Variants in SSBP2 observed in about 807,000 individuals in gnomAD.
SSBP2 encodes single stranded DNA binding protein 2, also known as single-stranded DNA-binding protein 2.
SSBP2 carries 17 observed loss-of-function variants against 61.8 expected under a neutral mutation model. The ratio of observed to expected loss-of-function variants is 0.28; its 90% CI spans 0.19 to 0.41. The LOEUF (loss-of-function observed/expected upper bound fraction) is 0.41, where lower values mean the gene tolerates loss of function less well. Among genes scored for constraint, SSBP2 ranks in the 10% least tolerant of loss-of-function variants. SSBP2 has a pLI of 1.00. For missense variants in SSBP2, 310 were observed against 458.7 expected, an observed-to-expected ratio of 0.68 and a Z score of 2.96; for synonymous variants, 139 against 141.3, an observed-to-expected ratio of 0.98 and a Z score of 0.12.
chr5:81,746,091 G>GA (rs1274538087), intron 1 of SSBP2, among the ~76,000 whole-genome samples: 3 of 151,620 alleles, frequency 2.0e-5, no homozygotes, highest in Admixed American at 6.6e-5. Context: ...TCACAGCTCT[G>GA]AAAAAAAATT....
chr5:81,493,326 C>T (rs1185145878), intron 5 of SSBP2, among the ~76,000 whole-genome samples: 1 of 151,750 alleles, frequency 6.6e-6, no homozygotes, highest in African/African-American at 2.4e-5. Flanking sequence ...GCTCCATTGT[C>T]CAGGCTGGAG....
At chr5:81,601,009 T>C (rs1744308804) in intron 4 of SSBP2, among the ~76,000 whole-genome samples, 1 of 152,184 alleles carries the variant, frequency 6.6e-6, no homozygotes, top group Non-Finnish European at 1.5e-5. Context: ...TATTACCCAA[T>C]AGTGTAATTG....
At chr5:81,543,473 A>G (rs1771467006) in intron 4 of SSBP2, among the ~76,000 whole-genome samples, 1 of 152,164 alleles carries the variant, frequency 6.6e-6, no homozygotes, top group Non-Finnish European at 1.5e-5. Context: ...GATCATAACG[A>G]TGCCAGCAAT....
intron 4 of SSBP2, among the ~76,000 whole-genome samples, chr5:81,541,127 T>C (rs1213791085): frequency 1.3e-5 from 2 of 152,050 alleles, no homozygotes; most frequent in Non-Finnish European, 2.9e-5. Flanking sequence ...CTAATCATGT[T>C]CAAGCTGAGA....
At chr5:81,483,061 G>A (rs1252504324) in intron 6 of SSBP2, among the ~76,000 whole-genome samples, 1 of 152,158 alleles carries the variant, frequency 6.6e-6, no homozygotes, top group Non-Finnish European at 1.5e-5. Flanking sequence ...GGTCGGTGGA[G>A]CAGTCAGAAC....
chr5:81,664,437 G>T (rs1166295736), intron 1 of SSBP2, among the ~76,000 whole-genome samples: 1 of 151,984 alleles, frequency 6.6e-6, no homozygotes, highest in African/African-American at 2.4e-5. Flanking sequence ...TTTTGGTCTT[G>T]TTAATCTCTG....
intron 4 of SSBP2, among the ~76,000 whole-genome samples, chr5:81,563,461 T>C (rs1052532805): frequency 6.6e-6 from 1 of 152,140 alleles, no homozygotes; most frequent in Non-Finnish European, 1.5e-5. Context: ...ACTCCTTAGA[T>C]ACACCACCAA....
chr5:81,458,488 G>A (rs1031964165), intron 10 of SSBP2, among the ~76,000 whole-genome samples: 1 of 152,206 alleles, frequency 6.6e-6, no homozygotes, highest in Non-Finnish European at 1.5e-5. Flanking sequence ...GGTGAAGGGT[G>A]TATGGAAATT....
intron 10 of SSBP2, among the ~76,000 whole-genome samples, chr5:81,455,993 T>C (rs890761336): frequency 1.3e-5 from 2 of 152,202 alleles, no homozygotes; most frequent in African/African-American, 4.8e-5. Flanking sequence ...TAAGTGCCTT[T>C]CTTCAACTGT....
At chr5:81,645,597 G>A (rs1749173954) in intron 2 of SSBP2, among the ~76,000 whole-genome samples, 1 of 152,160 alleles carries the variant, frequency 6.6e-6, no homozygotes, top group African/African-American at 2.4e-5. Flanking sequence ...CATTATCTTT[G>A]TATAACGAAA....
chr5:81,447,628 T>A (rs913873117), intron 11 of SSBP2, among the ~76,000 whole-genome samples: 7 of 152,352 alleles, frequency 4.6e-5, no homozygotes, highest in African/African-American at 1.7e-4. Context: ...GGCAAAATTT[T>A]AACTTCATTC....
At chr5:81,573,106 A>T (rs1477691197) in intron 4 of SSBP2, among the ~76,000 whole-genome samples, 1 of 152,150 alleles carries the variant, frequency 6.6e-6, no homozygotes, top group Non-Finnish European at 1.5e-5. Context: ...AATTGTTTGG[A>T]CCTACATACT....
At chr5:81,650,606 TATC>T (rs922061468) in intron 1 of SSBP2, among the ~76,000 whole-genome samples, 20 of 152,104 alleles carry the variant, frequency 1.3e-4, no homozygotes, top group African/African-American at 2.9e-4. Flanking sequence ...TCATCTCACT[TATC>T]ATAAGCTCAT....
intron 4 of SSBP2, among the ~76,000 whole-genome samples, chr5:81,614,350 A>C (rs1745782681): frequency 1.0e-5 from 1 of 96,134 alleles, no homozygotes; most frequent in Non-Finnish European, 1.9e-5. Flanking sequence ...ACACAGCGAG[A>C]CTCCGTCTCA....
intron 4 of SSBP2, among the ~76,000 whole-genome samples, chr5:81,592,490 G>C (rs1775600334): frequency 6.6e-6 from 1 of 152,176 alleles, no homozygotes; most frequent in Non-Finnish European, 1.5e-5. Context: ...TTTGAAGAGA[G>C]TAGTGGTTCT....
chr5:81,432,689 C>T (rs998296497), intron 15 of SSBP2, among the ~76,000 whole-genome samples: 24 of 152,040 alleles, frequency 1.6e-4, no homozygotes, highest in Admixed American at 5.9e-4. Context: ...GAGGTTGCAG[C>T]GAGCCAAGAT....
intron 4 of SSBP2, among the ~76,000 whole-genome samples, chr5:81,537,751 C>T (rs1007552366): frequency 2.6e-5 from 4 of 152,090 alleles, no homozygotes; most frequent in Non-Finnish European, 5.9e-5. Flanking sequence ...CAAACATAAT[C>T]CATAGATGGG....
At chr5:81,684,000 G>C (rs2153819413) in intron 1 of SSBP2, among the ~76,000 whole-genome samples, 1 of 152,290 alleles carries the variant, frequency 6.6e-6, no homozygotes, top group Admixed American at 6.5e-5. Flanking sequence ...CATTGCTGGT[G>C]GAAATGCAAA....
intron 4 of SSBP2, among the ~76,000 whole-genome samples, chr5:81,611,623 A>G (rs1745453308): frequency 6.6e-6 from 1 of 152,178 alleles, no homozygotes; most frequent in South Asian, 2.1e-4. Context: ...GTGTAACATC[A>G]GCATGAAAAT....
Sources: gnomAD v4.1 joint callset for allele counts (sites outside exome capture counted in the v4.1 genomes callset) on GRCh38, gnomAD v4.1.1 for gene constraint, MANE v1.5 for transcripts, NCBI Gene and HGNC (gene_info 2026-07-23, HGNC 2026-07-21) for gene names.